The following CSMD1 variants were observed in gnomAD, a reference collection of about 807,000 sequenced individuals.
CSMD1 encodes the protein CUB and sushi domain-containing protein 1.
A neutral mutation model predicts 417.5 loss-of-function variants in CSMD1; 213 were observed. The observed-to-expected ratio is 0.51, with a 90% CI of 0.46 to 0.57. The LOEUF (loss-of-function observed/expected upper bound fraction) is 0.57. CSMD1 is among the 20% of genes least tolerant of loss of function. The pLI is 0.00. For synonymous variants in CSMD1, 2,862 were observed against 1,736.8 expected, an observed-to-expected ratio of 1.65 and a Z score of -16.11; for missense variants, 6,923 against 4,529.7, an observed-to-expected ratio of 1.53 and a Z score of -15.17.
At chr8:4,902,043 T>C (rs994170171) in intron 1 of CSMD1, among the ~76,000 whole-genome samples, 2 of 152,206 alleles carry the variant, frequency 1.3e-5, no homozygotes, top group African/African-American at 4.8e-5. Context: ...ACTGTGGCTT[T>C]GGCTATATGG....
chr8:3,130,030 T>C (rs1203738210), intron 41 of CSMD1, among the ~76,000 whole-genome samples: 1 of 152,050 alleles, frequency 6.6e-6, no homozygotes, highest in Non-Finnish European at 1.5e-5. Context: ...ATTAAGAATA[T>C]TCAAAATGTG....
chr8:4,652,422 G>A (rs917117685), intron 1 of CSMD1, among the ~76,000 whole-genome samples: 1 of 152,044 alleles, frequency 6.6e-6, no homozygotes, highest in Admixed American at 6.6e-5. Context: ...GAGGAAGTGG[G>A]AATTTCCATT....
rs555499153 is a variant in CSMD1 at position 4,217,561 on chromosome 8, C to G, written c.416-185462G>C. ...GTCTTCTTGAATAAGGAAGGCTTTA[C>G]GCAGCAAAGGTGTGAGCTTGAAGGG... On this transcript the variant is annotated intron_variant, in intron 3 of 69. Transcript: ENST00000635120. 2.6e-5 allele frequency among the ~76,000 whole-genome samples: 4 copies of G among 151,650 alleles called. No homozygotes were observed. In the South Asian group the frequency reaches 8.3e-4, roughly 32 times the overall value.
chr8:3,740,010 A>G (rs2720832), intron 6 of CSMD1, among the ~76,000 whole-genome samples: 141,907 of 152,188 alleles, frequency 0.93, 66,989 homozygotes, highest in Non-Finnish European at 1. Context: ...CTCTTCTGGG[A>G]GTCATTGAAA....
intron 10 of CSMD1, among the ~76,000 whole-genome samples, chr8:3,533,123 A>G (rs541887345): frequency 6.6e-6 from 1 of 152,304 alleles, no homozygotes; most frequent in African/African-American, 2.4e-5. Context: ...AAAAGCATGA[A>G]AGGACTTATT....
intron 39 of CSMD1, among the ~76,000 whole-genome samples, chr8:3,155,359 A>ATTTTTT (rs556304192): frequency 0.014 from 606 of 43,264 alleles, 145 homozygotes; most frequent in African/African-American, 0.035. Context: ...CAAGGCTGGG[A>ATTTTTT]TTTTTTTTTT....
chr8:3,003,951 T>C (rs927371538), intron 52 of CSMD1, among the ~76,000 whole-genome samples: 1 of 152,200 alleles, frequency 6.6e-6, no homozygotes, highest in East Asian at 1.9e-4. Context: ...AGGGTGACCA[T>C]TTGCATCCTG....
At chr8:4,534,054 T>C (rs1796972190) in intron 2 of CSMD1, among the ~76,000 whole-genome samples, 1 of 151,908 alleles carries the variant, frequency 6.6e-6, no homozygotes, top group African/African-American at 2.4e-5. Flanking sequence ...GATATTGTAA[T>C]TCAGGCATAT....
At chr8:4,709,870 C>CA (rs770235119) in intron 1 of CSMD1, among the ~76,000 whole-genome samples, 1 of 152,186 alleles carries the variant, frequency 6.6e-6, no homozygotes, top group Non-Finnish European at 1.5e-5. Context: ...GGAAAAGTCT[C>CA]AATGAACGTT....
chr8:4,904,288 C>T (rs1157621841), intron 1 of CSMD1, among the ~76,000 whole-genome samples: 1 of 152,154 alleles, frequency 6.6e-6, no homozygotes, highest in East Asian at 1.9e-4. Context: ...AATGAAAGTA[C>T]AGTAAATGTA....
intron 3 of CSMD1, among the ~76,000 whole-genome samples, chr8:4,311,430 G>T (rs1391839907): frequency 6.6e-6 from 1 of 152,140 alleles, no homozygotes; most frequent in African/African-American, 2.4e-5. Context: ...TCACTTATGA[G>T]TGGAATCTAA....
chr8:4,444,845 C>G (rs1343864139), intron 2 of CSMD1, among the ~76,000 whole-genome samples: 1 of 152,176 alleles, frequency 6.6e-6, no homozygotes, highest in African/African-American at 2.4e-5. Context: ...GTGCAAATGA[C>G]AACCCAGAGG....
chr8:3,315,140 CTT>C (rs1805653442), intron 23 of CSMD1, among the ~76,000 whole-genome samples: 1 of 152,188 alleles, frequency 6.6e-6, no homozygotes, highest in African/African-American at 2.4e-5. Flanking sequence ...GCAAAAATCT[CTT>C]TAAGAATGAC....
intron 12 of CSMD1, among the ~76,000 whole-genome samples, chr8:3,438,381 A>T (rs1421308878): frequency 3.3e-5 from 5 of 152,146 alleles, no homozygotes; most frequent in African/African-American, 1.2e-4. Context: ...CCAGCAACAC[A>T]GACATCCCTC....
chr8:4,819,745 G>T (rs543826084), intron 1 of CSMD1, among the ~76,000 whole-genome samples: 5 of 152,076 alleles, frequency 3.3e-5, no homozygotes, highest in Non-Finnish European at 5.9e-5. Flanking sequence ...AAATGCTCAT[G>T]TAGAGAGGGA....
intron 1 of CSMD1, among the ~76,000 whole-genome samples, chr8:4,933,506 G>A (rs1253787082): frequency 6.6e-6 from 1 of 152,168 alleles, no homozygotes; most frequent in Non-Finnish European, 1.5e-5. Flanking sequence ...AATGCCAGCA[G>A]TTGCTCTGTG....
At chr8:4,892,667 T>C (rs934307703) in intron 1 of CSMD1, among the ~76,000 whole-genome samples, 2 of 152,088 alleles carry the variant, frequency 1.3e-5, no homozygotes, top group East Asian at 1.9e-4. Flanking sequence ...TTCAGACTTA[T>C]GTTTTCTATG....
rs192795211 is a variant in CSMD1 at position 4,456,787 on chromosome 8, G to A, written c.303-36722C>T. The stretch of plus-strand genomic sequence containing the variant: ...GAAGACCCATCTGACAACCTACGAG[G>A]TAAGCTGAAGAAGCTACCTGTGAAG... On this transcript the variant is annotated intron_variant, in intron 2 of 69. Transcript: ENST00000635120. Among the ~76,000 whole-genome samples the A allele has an allele frequency of 6.6e-5, 10 of 152,098 alleles. No individual in the cohort carries two copies. In the East Asian group the frequency reaches 1.9e-3, roughly 30 times the overall value.
intron 1 of CSMD1, among the ~76,000 whole-genome samples, chr8:4,981,819 A>G (rs1366648083): frequency 6.6e-6 from 1 of 152,022 alleles, no homozygotes; most frequent in East Asian, 1.9e-4. Context: ...GCTACATGTG[A>G]TTATGTGTAC....
Sources: gnomAD v4.1 joint callset for allele counts (sites outside exome capture counted in the v4.1 genomes callset) on GRCh38, gnomAD v4.1.1 for gene constraint, MANE v1.5 for transcripts, NCBI Gene and HGNC (gene_info 2026-07-23, HGNC 2026-07-21) for gene names.